The following PDSS2 variants were observed in gnomAD, a reference collection of about 807,000 sequenced individuals.
PDSS2 encodes decaprenyl diphosphate synthase subunit 2.
In PDSS2, 31 loss-of-function variants were observed where a neutral mutation model predicts 44.5. That is an observed-to-expected ratio of 0.70 (90% CI 0.52 to 0.94). The LOEUF (loss-of-function observed/expected upper bound fraction) is 0.94, where lower values mean the gene tolerates loss of function less well. Ranked by LOEUF, PDSS2 falls within the 40% of genes least tolerant of loss-of-function variation. The pLI is 0.00. For synonymous variants in PDSS2, 157 were observed against 180.3 expected (o/e 0.87, Z 1.03); for missense variants, 452 against 482.2 (o/e 0.94, Z 0.59).
At chr6:107,417,512 A>C (rs1002982457) in intron 1 of PDSS2, among the ~76,000 whole-genome samples, 1 of 152,238 alleles carries the variant, frequency 6.6e-6, no homozygotes, top group Admixed American at 6.5e-5. Context: ...TAATCCCAGC[A>C]CTTGGGGAGG....
intron 7 of PDSS2, among the ~76,000 whole-genome samples, chr6:107,164,672 G>T (rs1273975738): frequency 6.6e-6 from 1 of 152,142 alleles, no homozygotes; most frequent in Non-Finnish European, 1.5e-5. Context: ...AATCCTTTGG[G>T]TATATACCCA....
At chr6:107,450,746 G>A (rs558045287) in intron 1 of PDSS2, among the ~76,000 whole-genome samples, 2 of 152,276 alleles carry the variant, frequency 1.3e-5, no homozygotes, top group African/African-American at 4.8e-5. Context: ...GTTTTGGTAT[G>A]GACATAAGTT....
At chr6:107,307,309 A>T (rs1364302382) in intron 2 of PDSS2, among the ~76,000 whole-genome samples, 1 of 152,200 alleles carries the variant, frequency 6.6e-6, no homozygotes, top group Non-Finnish European at 1.5e-5. Context: ...TAATAATCAG[A>T]AACAGAGATA....
At chr6:107,322,528 C>G (rs1777411909) in intron 2 of PDSS2, among the ~76,000 whole-genome samples, 1 of 149,148 alleles carries the variant, frequency 6.7e-6, no homozygotes, top group African/African-American at 2.5e-5. Flanking sequence ...AAAGAAAAAG[C>G]AAACAAACAA....
intron 1 of PDSS2, among the ~76,000 whole-genome samples, chr6:107,344,579 C>A (rs1465662747): frequency 6.6e-6 from 1 of 152,058 alleles, no homozygotes; most frequent in African/African-American, 2.4e-5. Context: ...CACCAAAGCC[C>A]TCCCAAAGCT....
At position 107,335,161 on chromosome 6, in the gene PDSS2, CA is replaced by C. The variant is rs765731620; in HGVS notation, c.297-830del. ...GGGAGACGGATTGAGACTCTGTTTC[CA>C]AAAAAAAAAAAAAAAAAAAAAAGTG... On this transcript the variant is annotated intron_variant, in intron 1 of 7. Transcript: ENST00000369037. Among the ~76,000 whole-genome samples, 405 of 64,166 alleles carry C rather than the reference CA, an allele frequency of 6.3e-3. 3 individuals are homozygous for C. The highest frequency in any genetic ancestry group is 0.012 in the South Asian group (21 of 1,820). 42.1% of individuals were successfully genotyped at this position (64,166 alleles called of 152,430 possible).
At chr6:107,452,590 A>T (rs888571147) in intron 1 of PDSS2, among the ~76,000 whole-genome samples, 1 of 151,572 alleles carries the variant, frequency 6.6e-6, no homozygotes, top group African/African-American at 2.4e-5. Flanking sequence ...TGAATATGTG[A>T]TTTGCAAATA....
chr6:107,194,416 T>A (rs1180589539), intron 6 of PDSS2, among the ~76,000 whole-genome samples: 1 of 152,220 alleles, frequency 6.6e-6, no homozygotes, highest in Non-Finnish European at 1.5e-5. Context: ...CCATGCTTCT[T>A]TTCATAAAAA....
At chr6:107,208,770 A>G (rs977891628) in intron 6 of PDSS2, among the ~76,000 whole-genome samples, 2 of 152,102 alleles carry the variant, frequency 1.3e-5, no homozygotes, top group African/African-American at 2.4e-5. Flanking sequence ...CATGTTGGCC[A>G]GGCTGGTCTC....
intron 1 of PDSS2, among the ~76,000 whole-genome samples, chr6:107,404,917 T>C (rs936306705): frequency 6.6e-6 from 1 of 152,194 alleles, no homozygotes; most frequent in African/African-American, 2.4e-5. Flanking sequence ...GACATCCAGA[T>C]ATAAGAGGCT....
chr6:107,427,838 G>A (rs1034618341), intron 1 of PDSS2, among the ~76,000 whole-genome samples: 4 of 152,092 alleles, frequency 2.6e-5, no homozygotes, highest in South Asian at 2.1e-4. Context: ...GATAGCCTAC[G>A]TCTACATTAT....
At chr6:107,174,448 T>C (rs1771715694) in intron 7 of PDSS2, among the ~76,000 whole-genome samples, 1 of 152,164 alleles carries the variant, frequency 6.6e-6, no homozygotes, top group Non-Finnish European at 1.5e-5. Flanking sequence ...TGACCACATG[T>C]AGGAGAAAAT....
intron 4 of PDSS2, among the ~76,000 whole-genome samples, chr6:107,225,210 T>G: frequency 7.8e-6 from 1 of 128,526 alleles, no homozygotes; most frequent in African/African-American, 3.2e-5. Flanking sequence ...GTCACTCTGT[T>G]GCCCAGGCTG....
At chr6:107,392,919 A>T (rs1210593799) in intron 1 of PDSS2, among the ~76,000 whole-genome samples, 1 of 152,074 alleles carries the variant, frequency 6.6e-6, no homozygotes, top group East Asian at 1.9e-4. Context: ...TGTCCTTTAT[A>T]CCAAACTGGG....
At chr6:107,351,314 T>C (rs1007577058) in intron 1 of PDSS2, among the ~76,000 whole-genome samples, 2 of 152,248 alleles carry the variant, frequency 1.3e-5, no homozygotes, top group African/African-American at 4.8e-5. Flanking sequence ...TACAGCTGTA[T>C]TGTTTGTATC....
At chr6:107,310,192 G>A (rs1776991018) in intron 2 of PDSS2, among the ~76,000 whole-genome samples, 1 of 150,436 alleles carries the variant, frequency 6.6e-6, no homozygotes, top group African/African-American at 2.4e-5. Context: ...GGCTGAGGCA[G>A]GAGAATCACT....
chr6:107,171,665 C>T (rs76935712), intron 7 of PDSS2, among the ~76,000 whole-genome samples: 1 of 152,100 alleles, frequency 6.6e-6, no homozygotes, highest in South Asian at 2.1e-4. Flanking sequence ...CATGCATCAC[C>T]ATGCCTGGCT....
intron 1 of PDSS2, among the ~76,000 whole-genome samples, chr6:107,445,717 T>C (rs945645079): frequency 6.6e-6 from 1 of 152,206 alleles, no homozygotes; most frequent in African/African-American, 2.4e-5. Context: ...GACGGCTTCC[T>C]TACCTGCCAC....
At chr6:107,452,709 C>T (rs1294188289) in intron 1 of PDSS2, among the ~76,000 whole-genome samples, 1 of 151,852 alleles carries the variant, frequency 6.6e-6, no homozygotes, top group Non-Finnish European at 1.5e-5. Context: ...CTCTGTCTCC[C>T]AGGCTGGCTT....
Sources: allele counts gnomAD v4.1 joint callset (sites outside exome capture counted in the v4.1 genomes callset), GRCh38; gene constraint gnomAD v4.1.1; transcripts MANE v1.5; gene names NCBI Gene and HGNC (gene_info 2026-07-23, HGNC 2026-07-21).